PDE10A: variants seen among roughly 807,000 people sequenced by gnomAD.
The protein encoded by PDE10A is cAMP and cAMP-inhibited cGMP 3',5'-cyclic phosphodiesterase 10A.
A neutral mutation model predicts 97.7 loss-of-function variants in PDE10A; 39 were observed. That is an observed-to-expected ratio of 0.40 (90% confidence interval 0.31 to 0.52). The LOEUF (loss-of-function observed/expected upper bound fraction) is 0.52, where lower values mean the gene tolerates loss of function less well. Ranked by LOEUF, PDE10A falls within the 20% of genes least tolerant of loss-of-function variation. PDE10A has a pLI of 0.56. For synonymous variants in PDE10A, 371 were observed against 376.8 expected (o/e 0.98, Z 0.18); for missense variants, 731 against 1,047.8 (o/e 0.70, Z 4.17).
At chr6:165,830,110 T>C (rs965563832) in intron 1 of PDE10A, among the ~76,000 whole-genome samples, 2 of 152,164 alleles carry the variant, frequency 1.3e-5, no homozygotes, top group Non-Finnish European at 2.9e-5. Flanking sequence ...TTGCAAGCAA[T>C]TCTGGGGTCA....
intron 1 of PDE10A, among the ~76,000 whole-genome samples, chr6:165,751,696 C>T (rs913753447): frequency 2.6e-5 from 4 of 152,168 alleles, no homozygotes; most frequent in African/African-American, 9.7e-5. Context: ...GCCCTGATTG[C>T]TCATCAGCAT....
At chr6:165,398,987 T>C (rs980668175) in intron 13 of PDE10A, among the ~76,000 whole-genome samples, 14 of 152,170 alleles carry the variant, frequency 9.2e-5, no homozygotes, top group African/African-American at 2.4e-4. Flanking sequence ...GGAAAAGATA[T>C]ACTGTTTAAT....
intron 1 of PDE10A, among the ~76,000 whole-genome samples, chr6:165,751,431 T>C (rs940788956): frequency 2.6e-5 from 4 of 152,148 alleles, no homozygotes; most frequent in African/African-American, 9.7e-5. Flanking sequence ...AGCACCCCTT[T>C]GAGATGAGGC....
At chr6:165,825,585 G>A (rs745634961) in intron 1 of PDE10A, among the ~76,000 whole-genome samples, 12 of 152,292 alleles carry the variant, frequency 7.9e-5, no homozygotes, top group African/African-American at 2.2e-4. Context: ...CCATCTGGGC[G>A]GCCACAAAAC....
intron 19 of PDE10A, among the ~76,000 whole-genome samples, chr6:165,340,398 T>C (rs188384806): frequency 1.9e-4 from 29 of 152,256 alleles, no homozygotes; most frequent in Admixed American, 1.8e-3. Flanking sequence ...ACTATCACCA[T>C]AATTAGGTAT....
intron 2 of PDE10A, among the ~76,000 whole-genome samples, chr6:165,497,373 T>C (rs1780601168): frequency 6.6e-6 from 1 of 152,210 alleles, no homozygotes; most frequent in African/African-American, 2.4e-5. Context: ...GCACGTGTTC[T>C]TCTCCTATAG....
At chr6:165,770,751 G>A (rs1248051215) in intron 1 of PDE10A, among the ~76,000 whole-genome samples, 1 of 152,218 alleles carries the variant, frequency 6.6e-6, no homozygotes, top group East Asian at 1.9e-4. Context: ...TAAACCCAGT[G>A]AGGTCTCTAA....
chr6:165,461,937 T>A (rs1159842953), intron 3 of PDE10A, among the ~76,000 whole-genome samples: 1 of 152,248 alleles, frequency 6.6e-6, no homozygotes, highest in Admixed American at 6.5e-5. Flanking sequence ...CTTTAGCAAA[T>A]GGATGTCACA....
At chr6:165,384,040 T>C (rs1369934985) in intron 17 of PDE10A, among the ~76,000 whole-genome samples, 1 of 152,150 alleles carries the variant, frequency 6.6e-6, no homozygotes, top group Admixed American at 6.5e-5. Flanking sequence ...CATGAAAGAC[T>C]TGTATATCCA....
intron 1 of PDE10A, among the ~76,000 whole-genome samples, chr6:165,604,518 T>TAAAA (rs34272357): frequency 7.3e-6 from 1 of 137,766 alleles, no homozygotes; most frequent in African/African-American, 2.7e-5. Flanking sequence ...CTCTCTTTGT[T>TAAAA]AAAAAAAAAA....
intron 1 of PDE10A, among the ~76,000 whole-genome samples, chr6:165,623,010 C>T (rs181815614): frequency 1.3e-5 from 2 of 152,342 alleles, no homozygotes; most frequent in Admixed American, 1.3e-4. Flanking sequence ...TCCCGCTTCA[C>T]CTTCTGCCAT....
chr6:165,878,602 A>G (rs1451691374), intron 1 of PDE10A, among the ~76,000 whole-genome samples: 2 of 152,196 alleles, frequency 1.3e-5, no homozygotes, highest in Non-Finnish European at 1.5e-5. Context: ...ATGTTGTGGG[A>G]GACAGAATCA....
chr6:165,602,229 G>A (rs368430904), intron 1 of PDE10A, among the ~76,000 whole-genome samples: 11 of 152,236 alleles, frequency 7.2e-5, no homozygotes, highest in East Asian at 1.9e-4. Context: ...AACAAGCCCC[G>A]CTGATCCCCA....
At chr6:165,528,263 G>T (rs2128313064) in intron 2 of PDE10A, among the ~76,000 whole-genome samples, 1 of 152,344 alleles carries the variant, frequency 6.6e-6, no homozygotes, top group South Asian at 2.1e-4. Context: ...GACCTCAGCA[G>T]AGGAGGAGTT....
At chr6:165,383,812 C>G (rs961131016) in intron 17 of PDE10A, among the ~76,000 whole-genome samples, 15 of 152,132 alleles carry the variant, frequency 9.9e-5, no homozygotes, top group African/African-American at 3.1e-4. Flanking sequence ...TTGAGGTGCT[C>G]AGGCGCTATG....
At chr6:165,933,425 T>C (rs1390412177) in intron 1 of PDE10A, among the ~76,000 whole-genome samples, 1 of 152,188 alleles carries the variant, frequency 6.6e-6, no homozygotes, top group African/African-American at 2.4e-5. Flanking sequence ...TTCTAGTTTG[T>C]CTCATTTTAG....
chr6:165,898,270 C>T (rs1782011299), intron 1 of PDE10A, among the ~76,000 whole-genome samples: 2 of 152,178 alleles, frequency 1.3e-5, no homozygotes, highest in Admixed American at 1.3e-4. Flanking sequence ...ACTTCTAGGA[C>T]ACCAGAGCTC....
chr6:165,912,702 T>A (rs1287013856), intron 1 of PDE10A, among the ~76,000 whole-genome samples: 3 of 152,180 alleles, frequency 2.0e-5, no homozygotes, highest in African/African-American at 7.2e-5. Context: ...TTGATGTTAA[T>A]GAACCAATAA....
chr6:165,392,244 A>T (rs1583183001), intron 16 of PDE10A, among the ~76,000 whole-genome samples: 1 of 152,324 alleles, frequency 6.6e-6, no homozygotes, highest in East Asian at 1.9e-4. Context: ...CTTATGCTAG[A>T]GGAGGTCAAA....
Sources: allele counts gnomAD v4.1 joint callset (sites outside exome capture counted in the v4.1 genomes callset), GRCh38; gene constraint gnomAD v4.1.1; transcripts MANE v1.5; gene names NCBI Gene and HGNC (gene_info 2026-07-23, HGNC 2026-07-21).